The following ENOX1 variants were observed in gnomAD, a reference collection of about 807,000 sequenced individuals.
The protein encoded by ENOX1 is candidate growth-related and time keeping constitutive hydroquinone (NADH) oxidase.
ENOX1 carries 42 observed loss-of-function variants against 82.5 expected under a neutral mutation model. The observed-to-expected ratio is 0.51, with a 90% CI of 0.40 to 0.66. The LOEUF is 0.66. Ranked by LOEUF, ENOX1 falls within the 30% of genes least tolerant of loss-of-function variation. The pLI, the probability that ENOX1 is intolerant of heterozygous loss-of-function variation, is 0.00. For synonymous variants in ENOX1, 271 were observed against 282.2 expected, an observed-to-expected ratio of 0.96 and a Z score of 0.40; for missense variants, 608 against 811.6, an observed-to-expected ratio of 0.75 and a Z score of 3.05.
At chr13:43,298,238 T>G in intron 12 of ENOX1, 108 bp downstream of exon 12, 3 of 1,182,374 alleles carry the variant, frequency 2.5e-6, no homozygotes, top group Non-Finnish European at 3.4e-6. Flanking sequence ...GCTTTTTGGT[T>G]GTCATTTCTT....
chr13:43,757,206 G>C (rs1950705020), intron 1 of ENOX1, among the ~76,000 whole-genome samples: 1 of 152,142 alleles, frequency 6.6e-6, no homozygotes, highest in African/African-American at 2.4e-5. Flanking sequence ...TCAATTCTCT[G>C]CTCCTCTTTG....
intron 11 of ENOX1, among the ~76,000 whole-genome samples, chr13:43,311,327 T>C (rs1049940887): frequency 2.0e-5 from 3 of 150,904 alleles, no homozygotes; most frequent in African/African-American, 4.9e-5. Flanking sequence ...ATCCAAAAAA[T>C]GTAGTCAGTA....
At chr13:43,269,322 T>G (rs1395227800) in intron 13 of ENOX1, 148 bp downstream of exon 13, 7 of 640,030 alleles carry the variant, frequency 1.1e-5, no homozygotes, top group East Asian at 5.3e-5. Context: ...AAATTCCGCA[T>G]AGCAAAGCTG....
intron 9 of ENOX1, among the ~76,000 whole-genome samples, chr13:43,341,040 G>A (rs555052029): frequency 6.6e-6 from 1 of 152,290 alleles, no homozygotes; most frequent in African/African-American, 2.4e-5. Flanking sequence ...GCTTACACCT[G>A]TAATCCCAGC....
chr13:43,700,675 C>T lies in ENOX1; in HGVS notation c.-284-33131G>A, dbSNP rs1209937611. Among the ~76,000 whole-genome samples, 11 of 152,172 alleles carry T rather than the reference C, an allele frequency of 7.2e-5. No homozygotes were observed. In the East Asian group the frequency reaches 9.6e-4, roughly 13 times the overall value. ...AGGATCAAAATCCCTAAATATCAAACGCCCTTTAAATCAAAATCTTAAAGT... is the reference window on the plus strand; with the variant it reads ...AGGATCAAAATCCCTAAATATCAAATGCCCTTTAAATCAAAATCTTAAAGT... On this transcript the variant is annotated intron_variant, in intron 1 of 16. Transcript: ENST00000690772.
chr13:43,291,026 CAAAAAAATAAAAATAAAAGTTG>C (rs2045971691), intron 12 of ENOX1, among the ~76,000 whole-genome samples: 1 of 151,906 alleles, frequency 6.6e-6, no homozygotes, highest in Admixed American at 6.6e-5. Context: ...GACTCCATCT[CAAAAAAATAAAAATAAAAGTTG>C]AAAAAAATTT....
chr13:43,615,328 C>T (rs1035113395), intron 2 of ENOX1, among the ~76,000 whole-genome samples: 2 of 152,026 alleles, frequency 1.3e-5, no homozygotes, highest in South Asian at 2.1e-4. Flanking sequence ...AGCAATAACG[C>T]CCCCCAAAAG....
chr13:43,442,889 GTTA>G (rs1467202634), intron 3 of ENOX1, among the ~76,000 whole-genome samples: 1 of 152,124 alleles, frequency 6.6e-6, no homozygotes, highest in Non-Finnish European at 1.5e-5. Flanking sequence ...AGCGAGAGGA[GTTA>G]TTAACTTTAG....
intron 3 of ENOX1, among the ~76,000 whole-genome samples, chr13:43,436,868 T>C (rs2153618409): frequency 6.6e-6 from 1 of 152,252 alleles, no homozygotes; most frequent in East Asian, 1.9e-4. Flanking sequence ...AACTGGATAG[T>C]CATAATCCTA....
In ENOX1 at chr13:43,576,692, T is replaced by C. The variant is rs547416940; in HGVS notation, c.-219+90787A>G. ...ATAAATTTAGGTTGTCTTAAGACAC[T>C]AGTCTATCGTAATTGTAACAGTAGC... On this transcript the variant is annotated intron_variant, in intron 2 of 16. Transcript: ENST00000690772. Among the ~76,000 whole-genome samples the C allele has an allele frequency of 4.8e-4, 73 of 152,346 alleles. 1 individual carries two copies. The highest frequency in any genetic ancestry group is 1.6e-3 in the African/African-American group (66 of 41,586).
intron 9 of ENOX1, among the ~76,000 whole-genome samples, chr13:43,329,028 A>C (rs922172829): frequency 6.6e-6 from 1 of 152,218 alleles, no homozygotes; most frequent in Non-Finnish European, 1.5e-5. Context: ...AGAGTAGCTA[A>C]GTAGATAGGT....
intron 13 of ENOX1, among the ~76,000 whole-genome samples, chr13:43,265,798 C>G (rs1032419046): frequency 7.2e-5 from 11 of 152,144 alleles, no homozygotes; most frequent in Non-Finnish European, 1.3e-4. Context: ...AATTTAAACC[C>G]TGCAGTGTTT....
intron 12 of ENOX1, among the ~76,000 whole-genome samples, chr13:43,284,713 A>ATACT (rs995802640): frequency 2.6e-5 from 4 of 152,070 alleles, no homozygotes; most frequent in African/African-American, 9.7e-5. Flanking sequence ...AAGTTCAAAT[A>ATACT]TACTTTCTTC....
At chr13:43,723,619 T>C (rs1003442408) in intron 1 of ENOX1, among the ~76,000 whole-genome samples, 5 of 152,186 alleles carry the variant, frequency 3.3e-5, no homozygotes, top group African/African-American at 9.6e-5. Flanking sequence ...CTTTTGCCAA[T>C]GCCAAGACAA....
intron 2 of ENOX1, chr13:43,544,954 AAC>A (rs1371174840): frequency 1.3e-5 from 2 of 152,174 alleles, no homozygotes; most frequent in African/African-American, 2.4e-5. Context: ...AACTATATTG[AAC>A]ACAGAGGTCC....
chr13:43,623,190 C>T (rs1436387217), intron 2 of ENOX1, among the ~76,000 whole-genome samples: 1 of 152,138 alleles, frequency 6.6e-6, no homozygotes, highest in Non-Finnish European at 1.5e-5. Flanking sequence ...CTGCCTCCAA[C>T]TACGAAAGAA....
At chr13:43,247,883 A>ATATATATTT (rs1566330073) in intron 14 of ENOX1, among the ~76,000 whole-genome samples, 1 of 14,648 alleles carries the variant, frequency 6.8e-5, no homozygotes, top group Non-Finnish European at 1.8e-4. Flanking sequence ...ATATATATAT[A>ATATATATTT]TTTTTTTTTT....
At chr13:43,703,563 C>A (rs2087045181) in intron 1 of ENOX1, among the ~76,000 whole-genome samples, 1 of 152,114 alleles carries the variant, frequency 6.6e-6, no homozygotes, top group African/African-American at 2.4e-5. Context: ...TAGTCCTATT[C>A]CTTTGTTCTA....
chr13:43,559,972 T>G (rs1290436174), intron 2 of ENOX1, among the ~76,000 whole-genome samples: 1 of 152,172 alleles, frequency 6.6e-6, no homozygotes, highest in Non-Finnish European at 1.5e-5. Flanking sequence ...ACTGTTGGCT[T>G]CCCTCCAACC....
Sources: allele counts gnomAD v4.1 joint callset (sites outside exome capture counted in the v4.1 genomes callset), GRCh38; gene constraint gnomAD v4.1.1; transcripts MANE v1.5; gene names NCBI Gene and HGNC (gene_info 2026-07-23, HGNC 2026-07-21).